Variants in DDAH1 observed in about 807,000 individuals in gnomAD.
DDAH1 encodes the protein dimethylarginine dimethylaminohydrolase 1, also known as N(G),N(G)-dimethylarginine dimethylaminohydrolase 1.
In DDAH1, 19 loss-of-function variants were observed where a neutral mutation model predicts 28.8. The observed-to-expected ratio is 0.66, with a 90% CI of 0.46 to 0.97. DDAH1 has a LOEUF of 0.97. Ranked by LOEUF, DDAH1 falls within the 50% of genes least tolerant of loss-of-function variation. The pLI is 0.00. For missense variants in DDAH1, 326 were observed against 375.9 expected (o/e 0.87, Z 1.10); for synonymous variants, 153 against 154.4 (o/e 0.99, Z 0.07).
At chr1:85,359,601 T>C (rs1460094858) in intron 1 of DDAH1, among the ~76,000 whole-genome samples, 4 of 152,226 alleles carry the variant, frequency 2.6e-5, no homozygotes, top group African/African-American at 9.6e-5. Context: ...ACAATCACTG[T>C]TTTCTATTCA....
chr1:85,449,487 A>C (rs943340853), intron 1 of DDAH1, among the ~76,000 whole-genome samples: 4 of 152,146 alleles, frequency 2.6e-5, no homozygotes, highest in African/African-American at 9.7e-5. Context: ...GATGAGGCTG[A>C]CCAACAGACC....
At chr1:85,366,104 A>G (rs1445175103) in intron 1 of DDAH1, among the ~76,000 whole-genome samples, 1 of 151,962 alleles carries the variant, frequency 6.6e-6, no homozygotes, top group African/African-American at 2.4e-5. Context: ...TGGTAAAAAA[A>G]AAAAAAACAA....
intron 1 of DDAH1, chr1:85,399,196 T>C (rs1056383932): frequency 2.0e-5 from 3 of 152,248 alleles, no homozygotes; most frequent in African/African-American, 7.2e-5. Context: ...CTCCTGGCAT[T>C]ATCCTTTTGA....
intron 1 of DDAH1, among the ~76,000 whole-genome samples, chr1:85,417,188 G>A (rs2016104): frequency 0.81 from 123,911 of 152,212 alleles, 50,644 homozygotes; most frequent in Middle Eastern, 0.9. Context: ...CTGAGACCCC[G>A]ACAGCCAAGC....
chr1:85,500,869 A>ATT (rs111875871), intron 1 of DDAH1, among the ~76,000 whole-genome samples: 171 of 144,640 alleles, frequency 1.2e-3, no homozygotes, highest in African/African-American at 3.9e-3. Context: ...TCATTTAGGG[A>ATT]TTTTTTTTTC....
rs185225290 is a variant in DDAH1, at chr1:85,419,018, T to G, written c.303+45725A>C. Among the ~76,000 whole-genome samples, 290 of 152,182 alleles carry G rather than the reference T, an allele frequency of 1.9e-3. 1 individual carries two copies. Among genetic ancestry groups the G allele is most frequent in the African/African-American group, 6.7e-3 (280 of 41,522 alleles). On this transcript the variant is annotated intron_variant, in intron 1 of 5. Transcript: ENST00000284031. ...TATAAAAGACTGGTTCTGCCCAACTTTTCCTAGCTGGACAAATCAGTTAAG... is the reference window on the plus strand; with the variant it reads ...TATAAAAGACTGGTTCTGCCCAACTGTTCCTAGCTGGACAAATCAGTTAAG...
At chr1:85,466,636 G>A (rs967067263), upstream of DDAH1, among the ~76,000 whole-genome samples, 1 of 152,094 alleles carries the variant, frequency 6.6e-6, no homozygotes, top group Admixed American at 6.5e-5. Context: ...AGACCGACTA[G>A]GTAGTACTTC....
chr1:85,397,008 G>A (rs945971063), intron 1 of DDAH1, among the ~76,000 whole-genome samples: 3 of 150,484 alleles, frequency 2.0e-5, no homozygotes, highest in Non-Finnish European at 4.4e-5. Flanking sequence ...CTGCACTCCA[G>A]GCTGGGTGAT....
intron 1 of DDAH1, among the ~76,000 whole-genome samples, chr1:85,527,077 A>G (rs1299790713): frequency 6.6e-6 from 1 of 152,138 alleles, no homozygotes; most frequent in Non-Finnish European, 1.5e-5. Context: ...TGCTAAGGAG[A>G]ACTTTGTTTA....
At chr1:85,480,885 T>TGATTTTCAA (rs1476056334) in intron 2 of DDAH1, among the ~76,000 whole-genome samples, 1 of 151,884 alleles carries the variant, frequency 6.6e-6, no homozygotes, top group Non-Finnish European at 1.5e-5. Context: ...TCATTAAAAA[T>TGATTTTCAA]AATGCTTTTG....
intron 1 of DDAH1, chr1:85,399,053 GA>G (rs1651947029): frequency 6.6e-6 from 1 of 152,168 alleles, no homozygotes; most frequent in East Asian, 1.9e-4. Flanking sequence ...TGAATAGGGA[GA>G]AATCTGTGCA....
At chr1:85,437,452 A>G (rs76046560) in intron 1 of DDAH1, among the ~76,000 whole-genome samples, 7,757 of 152,110 alleles carry the variant, frequency 0.051, 314 homozygotes, top group South Asian at 0.2. Context: ...TCTCCTCCTC[A>G]GCCTACCCAA....
At chr1:85,332,912 C>T (rs968545897) in intron 4 of DDAH1, among the ~76,000 whole-genome samples, 7 of 152,130 alleles carry the variant, frequency 4.6e-5, no homozygotes, top group Non-Finnish European at 7.4e-5. Context: ...CAGCCCATTG[C>T]AGCCACCGCT....
chr1:85,519,973 T>TTTATGTAC (rs1433579337), intron 1 of DDAH1, among the ~76,000 whole-genome samples: 529 of 32,308 alleles, frequency 0.016, 3 homozygotes, highest in Non-Finnish European at 0.034. Flanking sequence ...TTTTTTCCCC[T>TTTATGTAC]TTATTTATTT....
At chr1:85,441,433 C>T (rs906193856) in intron 1 of DDAH1, among the ~76,000 whole-genome samples, 2 of 151,988 alleles carry the variant, frequency 1.3e-5, no homozygotes, top group East Asian at 1.9e-4. Flanking sequence ...CTCAGCTACT[C>T]GGGAGGCTGA....
At chr1:85,467,227 C>G (rs971829253), upstream of DDAH1, 2 of 152,138 alleles carry the variant, frequency 1.3e-5, no homozygotes, top group African/African-American at 4.8e-5. Context: ...CAGACTTTAC[C>G]AGACATTGAG....
chr1:85,435,361 T>C (rs1460990918), intron 1 of DDAH1: 2 of 152,238 alleles, frequency 1.3e-5, no homozygotes, highest in Admixed American at 6.5e-5. Context: ...GCAAATAACA[T>C]GATTTTGTTC....
At chr1:85,557,402 A>T (rs1243656959) in intron 1 of DDAH1, among the ~76,000 whole-genome samples, 1 of 152,214 alleles carries the variant, frequency 6.6e-6, no homozygotes, top group Non-Finnish European at 1.5e-5. Flanking sequence ...ATGTTATAAG[A>T]TATGTGCTTG....
intron 1 of DDAH1, among the ~76,000 whole-genome samples, chr1:85,524,089 C>A (rs1223341512): frequency 6.6e-6 from 1 of 151,478 alleles, no homozygotes; most frequent in Non-Finnish European, 1.5e-5. Flanking sequence ...TTTTCCCCAG[C>A]AAGTCACTGC....
Sources: allele counts gnomAD v4.1 joint callset (sites outside exome capture counted in the v4.1 genomes callset), GRCh38; gene constraint gnomAD v4.1.1; transcripts MANE v1.5; gene names NCBI Gene and HGNC (gene_info 2026-07-23, HGNC 2026-07-21).